Variants in PHF21A observed in about 807,000 individuals in gnomAD.
PHF21A encodes PHD finger protein 21A.
A neutral mutation model predicts 82.5 loss-of-function variants in PHF21A; 11 were observed. The ratio of observed to expected loss-of-function variants is 0.13; its 90% CI spans 0.08 to 0.22. PHF21A has a LOEUF of 0.22. Ranked by LOEUF, PHF21A falls within the 10% of genes least tolerant of loss-of-function variation. The pLI is 1.00. For missense variants in PHF21A, 579 were observed against 837.8 expected (o/e 0.69, Z 3.81); for synonymous variants, 297 against 302.8 (o/e 0.98, Z 0.20).
chr11:46,040,448 T>A (rs1017193926), intron 6 of PHF21A, among the ~76,000 whole-genome samples: 1 of 152,182 alleles, frequency 6.6e-6, no homozygotes, highest in African/African-American at 2.4e-5. Context: ...AGAGAAAATG[T>A]CTGAATAGTG....
chr11:45,977,338 T>C (rs1322989434), intron 7 of PHF21A, among the ~76,000 whole-genome samples: 2 of 152,132 alleles, frequency 1.3e-5, no homozygotes, highest in African/African-American at 2.4e-5. Context: ...AGTTTTGCCA[T>C]GTTGGCCAGG....
chr11:45,955,141 T>C (rs1393905871), intron 10 of PHF21A, among the ~76,000 whole-genome samples: 1 of 152,194 alleles, frequency 6.6e-6, no homozygotes, highest in Non-Finnish European at 1.5e-5. Context: ...AGAGTGGGAA[T>C]TGTTTTATGC....
At position 45,936,330 on chromosome 11, in the gene PHF21A, T is replaced by C. The variant is rs80297594; in HGVS notation, c.1684+164A>G. Among the ~76,000 whole-genome samples the C allele has an allele frequency of 2.0e-3, 301 of 152,332 alleles. 4 individuals are homozygous for C. Among genetic ancestry groups the C allele is most frequent in the Middle Eastern group, 6.8e-3 (2 of 294 alleles). On this transcript the variant is annotated intron_variant, in intron 17 of 18. Transcript: ENST00000676320. ...TAAATGCTACAGAAGTTTTCCACTT[T>C]ATCCAATAAAAAGTTTTCATTTGCT... is the stretch of plus-strand genomic sequence containing the variant.
intron 1 of PHF21A, among the ~76,000 whole-genome samples, chr11:46,097,978 T>C (rs556116360): frequency 7.2e-5 from 11 of 152,314 alleles, no homozygotes; most frequent in African/African-American, 1.9e-4. Flanking sequence ...TTAGAACCCA[T>C]AGATCTGTAT....
At chr11:46,036,863 T>A (rs902097665) in intron 6 of PHF21A, among the ~76,000 whole-genome samples, 1 of 152,214 alleles carries the variant, frequency 6.6e-6, no homozygotes, top group South Asian at 2.1e-4. Flanking sequence ...TTAAATAGCA[T>A]TTTTTATGTT....
chr11:45,967,373 A>C lies in PHF21A; in HGVS notation c.703-1765T>G, dbSNP rs2093503101. Among the ~76,000 whole-genome samples the C allele has an allele frequency of 2.0e-5, 3 of 152,074 alleles. 1 individual carries two copies. The South Asian group carries it at 6.2e-4, about 32-fold the overall frequency. On this transcript the variant is annotated intron_variant, in intron 9 of 18. Transcript: ENST00000676320. ...ATAGAGTGAGACCCTGTCTTAAAAA[A>C]AAAAAAAAAAATCCCTTATTGCTAA...
intron 6 of PHF21A, among the ~76,000 whole-genome samples, chr11:46,062,816 AT>A (rs2096551885): frequency 6.6e-6 from 1 of 151,936 alleles, no homozygotes. Flanking sequence ...ATACTAAGGC[AT>A]TTACTGAAGA....
At chr11:46,006,631 T>G (rs2095302841) in intron 6 of PHF21A, among the ~76,000 whole-genome samples, 1 of 152,208 alleles carries the variant, frequency 6.6e-6, no homozygotes, top group African/African-American at 2.4e-5. Context: ...TCTAGTGGGA[T>G]CAGTGAGATT....
At chr11:45,996,196 G>A (rs984237434) in intron 6 of PHF21A, among the ~76,000 whole-genome samples, 2 of 152,008 alleles carry the variant, frequency 1.3e-5, no homozygotes, top group Non-Finnish European at 2.9e-5. Context: ...CTCCTGGCTC[G>A]GCCTCCCAAA....
At chr11:46,062,440 T>C (rs995045814) in intron 6 of PHF21A, among the ~76,000 whole-genome samples, 5 of 151,984 alleles carry the variant, frequency 3.3e-5, no homozygotes, top group African/African-American at 1.2e-4. Flanking sequence ...TCCAATTTTG[T>C]TTTCCAACCT....
chr11:46,025,214 T>C (rs1045820375), intron 6 of PHF21A, among the ~76,000 whole-genome samples: 1 of 152,080 alleles, frequency 6.6e-6, no homozygotes, highest in African/African-American at 2.4e-5. Flanking sequence ...CTTTTCTCCA[T>C]CTCCCAACAG....
chr11:46,009,462 C>A (rs1179258809), intron 6 of PHF21A, among the ~76,000 whole-genome samples: 1 of 152,128 alleles, frequency 6.6e-6, no homozygotes, highest in African/African-American at 2.4e-5. Flanking sequence ...AGTGTCTGAA[C>A]CATACAATTT....
intron 6 of PHF21A, among the ~76,000 whole-genome samples, chr11:46,033,750 A>G (rs1370048432): frequency 2.0e-5 from 3 of 152,166 alleles, no homozygotes; most frequent in African/African-American, 7.2e-5. Flanking sequence ...AAATATAAAC[A>G]CCGGATTTCA....
At chr11:46,115,460 C>A (rs1290653719) in intron 1 of PHF21A, among the ~76,000 whole-genome samples, 1 of 152,040 alleles carries the variant, frequency 6.6e-6, no homozygotes, top group Non-Finnish European at 1.5e-5. Context: ...AAGTAGAAAA[C>A]ATAAGCTATT....
intron 1 of PHF21A, among the ~76,000 whole-genome samples, chr11:46,102,988 G>A (rs2097113990): frequency 6.6e-6 from 1 of 152,178 alleles, no homozygotes; most frequent in African/African-American, 2.4e-5. Flanking sequence ...AGGGTAAGCA[G>A]AGAAGCAGGA....
chr11:46,093,086 T>A (rs1356594195), intron 1 of PHF21A, among the ~76,000 whole-genome samples: 1 of 152,194 alleles, frequency 6.6e-6, no homozygotes, highest in Non-Finnish European at 1.5e-5. Flanking sequence ...GTAAACCACA[T>A]ACACAAAAGC....
At chr11:46,084,074 TA>T in intron 4 of PHF21A, 91 bp downstream of exon 4, 1 of 946,138 alleles carries the variant, frequency 1.1e-6, no homozygotes, top group Non-Finnish European at 1.6e-6. Context: ...TAAAGATTAT[TA>T]AAAACTATAC....
chr11:45,955,339 A>G (rs917848619), intron 10 of PHF21A, among the ~76,000 whole-genome samples: 1 of 152,162 alleles, frequency 6.6e-6, no homozygotes, highest in African/African-American at 2.4e-5. Context: ...CATTTCCTCC[A>G]TAAAACAAAA....
At chr11:46,038,825 G>A (rs1341380624) in intron 6 of PHF21A, among the ~76,000 whole-genome samples, 2 of 152,150 alleles carry the variant, frequency 1.3e-5, no homozygotes, top group African/African-American at 2.4e-5. Flanking sequence ...ATCCGTTCCT[G>A]AGGAGAGAGC....
Sources: allele counts gnomAD v4.1 joint callset (sites outside exome capture counted in the v4.1 genomes callset), GRCh38; gene constraint gnomAD v4.1.1; transcripts MANE v1.5; gene names NCBI Gene and HGNC (gene_info 2026-07-23, HGNC 2026-07-21).